RTTN: variants seen among roughly 807,000 people sequenced by gnomAD.
RTTN encodes the protein rotatin.
Under a neutral mutation model 269.2 loss-of-function variants are expected in RTTN, and 182 were observed. The ratio of observed to expected loss-of-function variants is 0.68; its 90% CI spans 0.60 to 0.76. The LOEUF (loss-of-function observed/expected upper bound fraction) is 0.76, where lower values mean the gene tolerates loss of function less well. Ranked by LOEUF, RTTN falls within the 30% of genes least tolerant of loss-of-function variation. RTTN has a pLI of 0.00. For synonymous variants in RTTN, 1,006 were observed against 963.5 expected (o/e 1.04, Z -0.82); for missense variants, 2,545 against 2,608.6 (o/e 0.98, Z 0.53).
rs778370637 is a variant in RTTN at position 70,054,162 on chromosome 18, T to C, written c.5154A>G (p.Gly1718=). 6.2e-7 allele frequency: 1 copy of C among 1,613,454 alleles called. No homozygotes were observed. Among genetic ancestry groups the C allele is most frequent in the Non-Finnish European group, 8.5e-7 (1 of 1,179,470 alleles). ...CATCTTTGGTACATATGGTGAGAAT[T>C]CCAATGATATTGGTGATAAGAGGTT... ...LVKPLITNII[G]ILTICTKDVL... is the part of the protein sequence containing the mutation. Residue 1718 remains glycine (G), a synonymous_variant, in exon 38 of 49, where the codon GGA becomes GGG. Coordinates refer to ENST00000640769, the MANE Select transcript of RTTN (RefSeq NM_173630.4).
chr18:70,205,674 T>G lies in RTTN; in HGVS notation c.-16A>C. ...CCAGGACCATCTCGTCCCGTCAATC[T>G]GCAGCCGCCGGAGAATTAAACTGCC... On this transcript the variant is annotated 5_prime_UTR_variant, in exon 1 of 49. Transcript: ENST00000640769. The G allele has an allele frequency of 6.2e-7, 1 of 1,614,098 alleles. No homozygotes were observed.
At chr18:70,098,027 T>C (rs190632092) in intron 28 of RTTN, among the ~76,000 whole-genome samples, 248 of 149,736 alleles carry the variant, frequency 1.7e-3, no homozygotes, top group Non-Finnish European at 2.6e-3. Context: ...GGTTGATAAA[T>C]AGAGTATTTA....
chr18:70,142,374 T>C lies in RTTN; in HGVS notation c.2495A>G (p.Glu832Gly), dbSNP rs771989792. 4.4e-6 allele frequency: 7 copies of C among 1,578,310 alleles called. No homozygotes were observed. In the South Asian group the frequency reaches 5.5e-5, roughly 13 times the overall value. ...RELVIKLETVEKVYEIFTSDD... is the reference protein window; with the variant it reads ...RELVIKLETVGKVYEIFTSDD... Reference sequence around the variant, plus strand: ...TGAGGTGAAGATTTCATATACCTTTTCAACAGTCTCCAACTACAAACCAAA... The same window carrying C: ...TGAGGTGAAGATTTCATATACCTTTCCAACAGTCTCCAACTACAAACCAAA... Residue 832 changes from glutamate to glycine, a missense_variant, in exon 19 of 49, where the codon GAA (glutamate) becomes GGA (glycine). Coordinates refer to ENST00000640769, the MANE Select transcript of RTTN (RefSeq NM_173630.4).
Position 70,190,704 on chromosome 18 carries a change from A to C in RTTN, c.1023T>G (p.His341Gln). ...DAASSSGSSS[H>Q]AHVNSRISVH... is the part of the protein sequence containing the mutation. Reference sequence around the variant, plus strand: ...CGGATATCCTGGAGTTTACATGAGCATGACTACTACTTCCACTGCAAGATA... The same window carrying C: ...CGGATATCCTGGAGTTTACATGAGCCTGACTACTACTTCCACTGCAAGATA... Residue 341 changes from histidine (H) to glutamine (Q), a missense_variant, in exon 9 of 49, where the codon CAT becomes CAG. His to Gln is a conservative substitution (Grantham distance 24). Transcript: ENST00000640769. The C allele has an allele frequency of 6.2e-7, 1 of 1,606,680 alleles. No individual in the cohort carries two copies. Among genetic ancestry groups the C allele is most frequent in the South Asian group, 1.1e-5 (1 of 90,624 alleles).
intron 32 of RTTN, among the ~76,000 whole-genome samples, chr18:70,082,938 T>C (rs2058609278): frequency 6.6e-6 from 1 of 152,124 alleles, no homozygotes; most frequent in African/African-American, 2.4e-5. Context: ...AGTGATCCTC[T>C]CACCTCAGCC....
intron 10 of RTTN, among the ~76,000 whole-genome samples, chr18:70,182,818 CA>C (rs888931575): frequency 3.4e-4 from 51 of 151,526 alleles, no homozygotes; most frequent in Non-Finnish European, 5.9e-4. Flanking sequence ...ACACTTCTTA[CA>C]AAAAAAACAA....
intron 43 of RTTN, among the ~76,000 whole-genome samples, chr18:70,027,726 T>C (rs1159616878): frequency 3.9e-5 from 6 of 152,218 alleles, no homozygotes; most frequent in East Asian, 1.9e-4. Flanking sequence ...ATGGCACTTT[T>C]GTCTTGAGAA....
Position 70,205,204 on chromosome 18 carries a change from T to C in RTTN, c.143A>G (p.His48Arg). Residue 48 changes from histidine (H) to arginine (R), a missense_variant, in exon 2 of 49, where the codon CAT becomes CGT. Physicochemically the swap from His to Arg is conservative, Grantham distance 29. Transcript: ENST00000640769. ...CGGGAAATTGAACCATTCCAGCAAA[T>C]GAAGAAAAAGTTGCCTCTCCTGAAT... Reference protein sequence around the residue: ...DLIQERQLFLHLLEWFNFPSV... With the variant: ...DLIQERQLFLRLLEWFNFPSV... 3 of 1,614,156 alleles carry C rather than the reference T, an allele frequency of 1.9e-6. No homozygotes were observed. Among genetic ancestry groups the C allele is most frequent in the Non-Finnish European group, 2.5e-6 (3 of 1,180,032 alleles).
chr18:70,021,183 T>C (rs1244530817), intron 44 of RTTN: 1 of 166,340 alleles, frequency 6.0e-6, no homozygotes, highest in Non-Finnish European at 1.3e-5. Flanking sequence ...TTACATAACA[T>C]ACAAATAAGG....
intron 34 of RTTN, among the ~76,000 whole-genome samples, chr18:70,070,627 T>C (rs758063051): frequency 2.6e-5 from 4 of 152,184 alleles, no homozygotes; most frequent in African/African-American, 9.7e-5. Flanking sequence ...ATCTTTATCT[T>C]TATAGCTCTT....
Position 70,018,826 on chromosome 18 carries a change from CTTTTTTTTTTTTTT to C in RTTN, c.6154-1166_6154-1153del, listed in dbSNP as rs5825984. 2.0e-4 allele frequency among the ~76,000 whole-genome samples: 10 copies of C among 48,986 alleles called. 1 individual carries two copies. The highest frequency in any genetic ancestry group is 3.7e-4 in the Non-Finnish European group (9 of 24,394). 32.1% of individuals were successfully genotyped at this position (48,986 alleles called of 152,430 possible). ...AAATATAAATGTGCTGTGGGCACTCCTTTTTTTTTTTTTTTTTTTTTTTTTTGCTGCTTCTAAAG... is the reference window on the plus strand; with the variant it reads ...AAATATAAATGTGCTGTGGGCACTCCTTTTTTTTTTTTGCTGCTTCTAAAG... On this transcript the variant is annotated intron_variant, in intron 45 of 48. Transcript: ENST00000640769.
At chr18:70,190,865 T>G in intron 8 of RTTN, 146 bp from the exon 9 acceptor site, 1 of 548,974 alleles carries the variant, frequency 1.8e-6, no homozygotes, top group South Asian at 3.3e-5. Flanking sequence ...TGTAGAAACT[T>G]TGACAAATTT....
At chr18:70,201,837 G>T in intron 4 of RTTN, 57 bp downstream of exon 4, 1 of 1,040,970 alleles carries the variant, frequency 9.6e-7, no homozygotes, top group Non-Finnish European at 1.5e-6. Context: ...AACGAAAAAA[G>T]TACATTAATT....
chr18:70,166,855 C>T, intron 13 of RTTN, 64 bp downstream of exon 13: 1 of 1,070,502 alleles, frequency 9.3e-7, no homozygotes, highest in East Asian at 2.4e-5. Context: ...TTCACTGTTT[C>T]TAAGTTTACA....
chr18:70,184,334 A>C (rs1299763592), intron 10 of RTTN, among the ~76,000 whole-genome samples: 1 of 151,992 alleles, frequency 6.6e-6, no homozygotes, highest in Non-Finnish European at 1.5e-5. Context: ...CAGGCAGATC[A>C]CCTGAGGTCA....
chr18:70,012,771 G>A (rs913274587), intron 46 of RTTN, among the ~76,000 whole-genome samples: 17 of 152,082 alleles, frequency 1.1e-4, no homozygotes, highest in Non-Finnish European at 1.8e-4. Context: ...ACAGGGCAAC[G>A]TCTGCTCACT....
intron 28 of RTTN, among the ~76,000 whole-genome samples, chr18:70,098,042 T>C (rs1029818371): frequency 4.3e-5 from 4 of 93,924 alleles, no homozygotes; most frequent in African/African-American, 1.0e-4. Context: ...TATTTATAAA[T>C]CACATGACAA....
intron 11 of RTTN, among the ~76,000 whole-genome samples, chr18:70,170,484 A>T (rs556525423): frequency 6.6e-6 from 1 of 152,334 alleles, no homozygotes; most frequent in African/African-American, 2.4e-5. Context: ...ATAAGATGAC[A>T]TTTAAGTAGA....
intron 30 of RTTN, 63 bp from the exon 31 acceptor site, chr18:70,088,210 G>GT (rs1232926468): frequency 3.5e-5 from 50 of 1,435,630 alleles, no homozygotes; most frequent in Non-Finnish European, 4.5e-5. Flanking sequence ...TGAATTCTTA[G>GT]TTTTTCTGGT....
Sources: allele counts gnomAD v4.1 joint callset (sites outside exome capture counted in the v4.1 genomes callset), GRCh38; gene constraint gnomAD v4.1.1; transcripts MANE v1.5; gene names NCBI Gene and HGNC (gene_info 2026-07-23, HGNC 2026-07-21).